NCAM1: variants seen among roughly 807,000 people sequenced by gnomAD.
NCAM1 encodes antigen recognized by monoclonal antibody 5.1H11.
NCAM1 carries 14 observed loss-of-function variants against 109.8 expected under a neutral mutation model. The ratio of observed to expected loss-of-function variants is 0.13; its 90% confidence interval spans 0.08 to 0.20. The LOEUF (loss-of-function observed/expected upper bound fraction) is 0.20. Among genes scored for constraint, NCAM1 ranks in the 10% least tolerant of loss-of-function variants. The pLI is 1.00. For synonymous variants in NCAM1, 418 were observed against 442.9 expected (o/e 0.94, Z 0.70); for missense variants, 774 against 1,109.9 (o/e 0.70, Z 4.30).
chr11:112,985,616 A>AT (rs149969953), intron 1 of NCAM1, among the ~76,000 whole-genome samples: 20,497 of 151,556 alleles, frequency 0.14, 1,427 homozygotes, highest in African/African-American at 0.15. Context: ...CTGTATACAG[A>AT]TTTTTACCTC....
chr11:113,204,927 A>G (rs542640464), intron 3 of NCAM1, among the ~76,000 whole-genome samples: 1 of 152,170 alleles, frequency 6.6e-6, no homozygotes, highest in African/African-American at 2.4e-5. Flanking sequence ...TGCCTCTGAA[A>G]CCCCATCTGT....
chr11:113,015,499 G>A lies in NCAM1; in HGVS notation c.52+53835G>A, dbSNP rs1952185008. ...GCCTGTAATCCCAGCACTTTGGGAG[G>A]CCTAGGTGGGTGTGTCATCTGAAAT... On this transcript the variant is annotated intron_variant, in intron 1 of 19. Transcript: ENST00000316851. Among the ~76,000 whole-genome samples the A allele has an allele frequency of 3.9e-5, 6 of 152,284 alleles. No individual in the cohort carries two copies. In the South Asian group the frequency reaches 1.2e-3, roughly 32 times the overall value.
intron 1 of NCAM1, among the ~76,000 whole-genome samples, chr11:113,045,081 G>A (rs1953219744): frequency 6.6e-6 from 1 of 152,194 alleles, no homozygotes; most frequent in African/African-American, 2.4e-5. Context: ...AGGCATGGAA[G>A]GATGGCAGAT....
intron 1 of NCAM1, among the ~76,000 whole-genome samples, chr11:113,184,530 A>G (rs1394869547): frequency 1.3e-5 from 2 of 152,194 alleles, no homozygotes; most frequent in Admixed American, 6.5e-5. Context: ...TTTATTTCAG[A>G]ACCCCAAAGT....
At chr11:113,133,137 G>C (rs1230809500) in intron 1 of NCAM1, 3 of 152,222 alleles carry the variant, frequency 2.0e-5, no homozygotes, top group Admixed American at 2.0e-4. Context: ...GCTCAGGAGG[G>C]AAGTCCTTGG....
chr11:113,206,050 C>G lies in NCAM1; in HGVS notation c.498C>G (p.Phe166Leu). 6.2e-7 allele frequency: 1 copy of G among 1,614,002 alleles called. No individual in the cohort carries two copies. The highest frequency in any genetic ancestry group is 8.5e-7 in the Non-Finnish European group (1 of 1,179,880). Reference sequence around the variant, plus strand: ...GCCTCTTATCTCTTCTAGTCCGATTCATAGTCCTGTCCAACAACTACCTGC... The same window carrying G: ...GCCTCTTATCTCTTCTAGTCCGATTGATAGTCCTGTCCAACAACTACCTGC... The part of the protein sequence containing the change: ...RDVILKKDVR[F>L]IVLSNNYLQI... The change falls in exon 5 of 20, where the codon TTC (phenylalanine) becomes TTG (leucine). Residue 166 changes from phenylalanine to leucine, a missense_variant. Physicochemically the swap from Phe to Leu is conservative, Grantham distance 22. Coordinates refer to ENST00000316851, the MANE Select transcript of NCAM1 (RefSeq NM_181351.5).
chr11:113,126,583 G>C (rs1351561779), intron 1 of NCAM1, among the ~76,000 whole-genome samples: 1 of 152,166 alleles, frequency 6.6e-6, no homozygotes, highest in Non-Finnish European at 1.5e-5. Context: ...TATCATTACA[G>C]TTCATTTTTC....
chr11:113,076,710 GA>G (rs1227840406), intron 1 of NCAM1, among the ~76,000 whole-genome samples: 1 of 152,006 alleles, frequency 6.6e-6, no homozygotes, highest in Non-Finnish European at 1.5e-5. Flanking sequence ...CTCCCTTCTG[GA>G]AAAAAATATA....
intron 1 of NCAM1, among the ~76,000 whole-genome samples, chr11:113,202,102 G>A (rs1555111917): frequency 2.0e-5 from 3 of 152,194 alleles, no homozygotes; most frequent in Admixed American, 2.0e-4. Context: ...GAATCTCCCA[G>A]GGCACCTTGC....
intron 1 of NCAM1, among the ~76,000 whole-genome samples, chr11:113,105,323 C>T (rs1192259847): frequency 6.6e-6 from 1 of 152,184 alleles, no homozygotes; most frequent in Non-Finnish European, 1.5e-5. Flanking sequence ...TTTCTGTATC[C>T]TGCTCTATCA....
intron 1 of NCAM1, among the ~76,000 whole-genome samples, chr11:113,057,598 G>C (rs1279877466): frequency 6.6e-6 from 1 of 152,150 alleles, no homozygotes; most frequent in Non-Finnish European, 1.5e-5. Flanking sequence ...CACTAGAATG[G>C]AGGAGAAGGA....
At chr11:113,224,869 G>A (rs1565511411) in intron 9 of NCAM1, among the ~76,000 whole-genome samples, 1 of 152,202 alleles carries the variant, frequency 6.6e-6, no homozygotes, top group Non-Finnish European at 1.5e-5. Context: ...TGCAGCTGAG[G>A]GTCCTGACTG....
chr11:113,265,009 C>T, intron 17 of NCAM1: 1 of 985,450 alleles, frequency 1.0e-6, no homozygotes. Context: ...TCCCCTGTGC[C>T]CTGTAGTTGT....
chr11:113,269,960 T>C, intron 17 of NCAM1: 1 of 578,958 alleles, frequency 1.7e-6, no homozygotes, highest in Non-Finnish European at 3.1e-6. Flanking sequence ...CTCACCCCTG[T>C]TCCCCAATCT....
chr11:113,262,755 T>C, intron 17 of NCAM1: 1 of 1,413,898 alleles, frequency 7.1e-7, no homozygotes, highest in Non-Finnish European at 9.7e-7. Context: ...GTCACACTTG[T>C]CACCTTGGAC....
At chr11:113,090,311 A>G (rs1939283760) in intron 1 of NCAM1, among the ~76,000 whole-genome samples, 1 of 152,182 alleles carries the variant, frequency 6.6e-6, no homozygotes, top group Non-Finnish European at 1.5e-5. Context: ...ACCCATATTA[A>G]TGGGATCAAG....
chr11:113,164,838 C>T (rs1591379362), intron 1 of NCAM1, among the ~76,000 whole-genome samples: 1 of 152,082 alleles, frequency 6.6e-6, no homozygotes, highest in East Asian at 1.9e-4. Flanking sequence ...TCCAATCCTT[C>T]CACCCTTCTC....
At chr11:112,989,155 G>A (rs1591219413) in intron 1 of NCAM1, among the ~76,000 whole-genome samples, 1 of 152,264 alleles carries the variant, frequency 6.6e-6, no homozygotes, top group East Asian at 1.9e-4. Flanking sequence ...CCTCTTATGA[G>A]ATTTGTGGAG....
chr11:113,240,955 C>G, intron 14 of NCAM1: 2 of 1,056,364 alleles, frequency 1.9e-6, no homozygotes, highest in Non-Finnish European at 2.9e-6. Context: ...AAAGCAGCGT[C>G]GGGTTTTAGA....
Sources: gnomAD v4.1 joint callset for allele counts (sites outside exome capture counted in the v4.1 genomes callset) on GRCh38, gnomAD v4.1.1 for gene constraint, MANE v1.5 for transcripts, NCBI Gene and HGNC (gene_info 2026-07-23, HGNC 2026-07-21) for gene names.